PRDM6: variants seen among roughly 807,000 people sequenced by gnomAD.
PRDM6 encodes the protein PR/SET domain 6, also known as putative histone-lysine N-methyltransferase PRDM6.
In PRDM6, 25 loss-of-function variants were observed where a neutral mutation model predicts 60.8. The ratio of observed to expected loss-of-function variants is 0.41; its 90% CI spans 0.30 to 0.57. The LOEUF is 0.57. Ranked by LOEUF, PRDM6 falls within the 20% of genes least tolerant of loss-of-function variation. The pLI is 0.27. For missense variants in PRDM6, 839 were observed against 821.3 expected, an observed-to-expected ratio of 1.02 and a Z score of -0.26; for synonymous variants, 407 against 357.4, an observed-to-expected ratio of 1.14 and a Z score of -1.57.
At chr5:123,164,313 G>A (rs2126878979) in intron 5 of PRDM6, among the ~76,000 whole-genome samples, 1 of 152,300 alleles carries the variant, frequency 6.6e-6, no homozygotes, top group East Asian at 1.9e-4. Flanking sequence ...TGCAAAGCTG[G>A]GGTTGGCTTA....
chr5:123,106,640 C>G (rs1764203080), intron 3 of PRDM6, among the ~76,000 whole-genome samples: 1 of 152,182 alleles, frequency 6.6e-6, no homozygotes, highest in Non-Finnish European at 1.5e-5. Flanking sequence ...GTGAAACTTT[C>G]ATGGAAGTCA....
chr5:123,185,387 G>A (rs182356387), intron 7 of PRDM6, among the ~76,000 whole-genome samples: 223 of 152,282 alleles, frequency 1.5e-3, no homozygotes, highest in Non-Finnish European at 2.3e-3. Flanking sequence ...CACTAATCCA[G>A]TAACTAATCA....
intron 3 of PRDM6, among the ~76,000 whole-genome samples, chr5:123,137,685 T>G (rs887449682): frequency 6.6e-6 from 1 of 152,122 alleles, no homozygotes; most frequent in African/African-American, 2.4e-5. Flanking sequence ...AAATACCTGA[T>G]GTAGATGATG....
intron 6 of PRDM6, among the ~76,000 whole-genome samples, chr5:123,176,951 A>T (rs1279282213): frequency 6.6e-6 from 1 of 152,220 alleles, no homozygotes; most frequent in Non-Finnish European, 1.5e-5. Context: ...TAAAAAGCTG[A>T]GTAATGACAA....
At chr5:123,126,390 G>GT (rs1181800605) in intron 3 of PRDM6, among the ~76,000 whole-genome samples, 573 of 143,350 alleles carry the variant, frequency 4.0e-3, no homozygotes, top group Middle Eastern at 0.022. Flanking sequence ...TGCACCAAGT[G>GT]TTTTTTTTTT....
intron 3 of PRDM6, among the ~76,000 whole-genome samples, chr5:123,124,793 T>C (rs2150219780): frequency 6.6e-6 from 1 of 152,286 alleles, no homozygotes; most frequent in East Asian, 1.9e-4. Flanking sequence ...ATGTAAGATG[T>C]TTTTATTTTA....
At chr5:123,154,932 G>T (rs942601467) in intron 3 of PRDM6, among the ~76,000 whole-genome samples, 2 of 152,132 alleles carry the variant, frequency 1.3e-5, no homozygotes, top group East Asian at 1.9e-4. Flanking sequence ...TTCTAGAATT[G>T]CTGTGGATAC....
At chr5:123,132,177 G>A (rs753073716) in intron 3 of PRDM6, among the ~76,000 whole-genome samples, 13 of 152,102 alleles carry the variant, frequency 8.5e-5, no homozygotes, top group Non-Finnish European at 1.8e-4. Flanking sequence ...TATGTAGAGA[G>A]TTCCAAACTT....
intron 3 of PRDM6, among the ~76,000 whole-genome samples, chr5:123,110,504 G>A (rs539836921): frequency 2.7e-5 from 4 of 149,870 alleles, no homozygotes; most frequent in South Asian, 4.2e-4. Flanking sequence ...AGTGATCCAC[G>A]AGCCTCCCAA....
At chr5:123,143,191 G>A (rs892545723) in intron 3 of PRDM6, among the ~76,000 whole-genome samples, 3 of 151,570 alleles carry the variant, frequency 2.0e-5, no homozygotes, top group Non-Finnish European at 4.4e-5. Context: ...GTGGGTGTGT[G>A]TATACACACC....
Position 123,113,774 on chromosome 5 carries a change from A to G in PRDM6, c.900+13813A>G, listed in dbSNP as rs934830066. 7.9e-5 allele frequency among the ~76,000 whole-genome samples: 12 copies of G among 152,214 alleles called. No individual in the cohort carries two copies. The East Asian group carries it at 2.3e-3, about 29-fold the overall frequency. Reference sequence around the variant, plus strand: ...GGTGAGCTTTCTTTTCTAGGTGGACACTGCACTGGTTTTTCAGACAGAGCA... The same window carrying G: ...GGTGAGCTTTCTTTTCTAGGTGGACGCTGCACTGGTTTTTCAGACAGAGCA... On this transcript the variant is annotated intron_variant, in intron 3 of 7. Transcript: ENST00000407847.
chr5:123,135,121 A>C (rs1275131163), intron 3 of PRDM6, among the ~76,000 whole-genome samples: 1 of 152,216 alleles, frequency 6.6e-6, no homozygotes, highest in African/African-American at 2.4e-5. Flanking sequence ...ATTAGCAATT[A>C]TTAGATGGTT....
intron 5 of PRDM6, among the ~76,000 whole-genome samples, chr5:123,164,719 G>A (rs144206670): frequency 1.4e-4 from 22 of 152,276 alleles, no homozygotes; most frequent in Middle Eastern, 3.4e-3. Flanking sequence ...GACTTTTTGC[G>A]TGCTGTAGGA....
chr5:123,117,338 C>G (rs1466054313), intron 3 of PRDM6, among the ~76,000 whole-genome samples: 1 of 152,158 alleles, frequency 6.6e-6, no homozygotes, highest in African/African-American at 2.4e-5. Context: ...GAGCTTATGG[C>G]TAAAGTAGTC....
chr5:123,125,060 C>CA (rs1177752457), intron 3 of PRDM6, among the ~76,000 whole-genome samples: 1 of 106,760 alleles, frequency 9.4e-6, no homozygotes, highest in Non-Finnish European at 1.9e-5. Context: ...CAACTTACAA[C>CA]ATTTTTTTTT....
chr5:123,114,257 A>T (rs2112485), intron 3 of PRDM6, among the ~76,000 whole-genome samples: 55,216 of 151,814 alleles, frequency 0.36, 11,644 homozygotes, highest in African/African-American at 0.57. Context: ...CTCTGTCAGC[A>T]ACTTCATGCA....
In PRDM6 at chr5:123,171,142, G is replaced by T. The variant is rs972231755; in HGVS notation, c.1496+34G>T. The T allele has an allele frequency of 2.7e-6, 4 of 1,479,380 alleles. No individual in the cohort carries two copies. In the African/African-American group the frequency reaches 5.6e-5, roughly 21 times the overall value. 91.6% of individuals were successfully genotyped at this position (1,479,380 alleles called of 1,614,324 possible). A position where few individuals can be genotyped will look rare whatever the true frequency, so the allele number is the denominator to read the frequency against. On this transcript the variant is annotated intron_variant, in intron 6 of 7. Coordinates refer to ENST00000407847, the MANE Select transcript of PRDM6 (RefSeq NM_001136239.4). ...GACTCTCACTGCTGACAGTGTGTTT[G>T]CTTAGTGAGACCCACTGCTTGCCTT...
chr5:123,090,243 T>C lies in PRDM6; in HGVS notation c.229T>C (p.Ser77Pro), dbSNP rs1434027995. Residue 77 changes from serine to proline, a missense_variant, in exon 2 of 8, where the codon TCC becomes CCC. Ser to Pro is a moderately conservative substitution (Grantham distance 74). This residue lies in a region of PRDM6 where 730 missense variants were observed against 648.8 expected (regional missense o/e 1.13). Transcript: ENST00000407847. Reference sequence around the variant, plus strand: ...CCTGCGCCCGCGGCCCGCCTCTCTCTCCTCCGCCTCGTCCACGCCGGCTTC... The same window carrying C: ...CCTGCGCCCGCGGCCCGCCTCTCTCCCCTCCGCCTCGTCCACGCCGGCTTC... ...DSLRPRPASLSSASSTPASSS... is the reference protein window; with the variant it reads ...DSLRPRPASLPSASSTPASSS... 1 of 1,481,096 alleles carries C rather than the reference T, an allele frequency of 6.8e-7. No homozygotes were observed. Among genetic ancestry groups the C allele is most frequent in the Non-Finnish European group, 9.0e-7 (1 of 1,115,838 alleles). The allele number at this position is 1,481,096 out of a possible 1,614,324, so 91.7% of individuals were successfully genotyped here. A position where few individuals can be genotyped will look rare whatever the true frequency, so the allele number is the denominator to read the frequency against.
intron 6 of PRDM6, among the ~76,000 whole-genome samples, chr5:123,172,221 G>A (rs758153546): frequency 3.3e-5 from 5 of 152,066 alleles, no homozygotes; most frequent in Non-Finnish European, 5.9e-5. Flanking sequence ...TGGAGGTGGC[G>A]GGGAGAGGGA....
Sources: gnomAD v4.1 joint callset for allele counts (sites outside exome capture counted in the v4.1 genomes callset) on GRCh38, gnomAD v4.1.1 for gene constraint, gnomAD v4.1.1 regional missense constraint, MANE v1.5 for transcripts, NCBI Gene and HGNC (gene_info 2026-07-23, HGNC 2026-07-21) for gene names.